UBE3C: variants seen among roughly 807,000 people sequenced by gnomAD.
UBE3C encodes the protein ubiquitin protein ligase E3C.
UBE3C carries 42 observed loss-of-function variants against 129.4 expected under a neutral mutation model. The ratio of observed to expected loss-of-function variants is 0.32; its 90% CI spans 0.25 to 0.42. UBE3C has a LOEUF of 0.42. Among genes scored for constraint, UBE3C ranks in the 10% least tolerant of loss-of-function variants. The probability of loss-of-function intolerance (pLI) is 1.00; values close to 1 mark genes in which losing one functional copy is unlikely to be tolerated. For missense variants in UBE3C, 1,049 were observed against 1,319.1 expected (o/e 0.80, Z 3.17); for synonymous variants, 510 against 492.4 (o/e 1.04, Z -0.47).
chr7:157,196,656 A>G (rs1809127784), intron 10 of UBE3C, among the ~76,000 whole-genome samples: 1 of 152,208 alleles, frequency 6.6e-6, no homozygotes, highest in African/African-American at 2.4e-5. Context: ...GTTGCTGTTT[A>G]TCATATCTTC....
chr7:157,164,576 A>G (rs1348242147), intron 2 of UBE3C: 1 of 386,090 alleles, frequency 2.6e-6, no homozygotes, highest in East Asian at 7.5e-5. Context: ...ATCCTACGTT[A>G]TATCTTGTGA....
chr7:157,220,564 T>G, intron 14 of UBE3C, 125 bp from the exon 15 acceptor site: 10 of 942,610 alleles, frequency 1.1e-5, no homozygotes, highest in African/African-American at 1.6e-5. Context: ...CATGAAGGTA[T>G]GAGGTCAGAG....
chr7:157,262,346 A>G (rs1796938043), intron 22 of UBE3C, among the ~76,000 whole-genome samples: 1 of 146,256 alleles, frequency 6.8e-6, no homozygotes, highest in Non-Finnish European at 1.5e-5. Context: ...AATGAAGTTT[A>G]CATTTAACAG....
At chr7:157,197,646 A>G (rs1043650059) in intron 10 of UBE3C, 1 of 1,609,050 alleles carries the variant, frequency 6.2e-7, no homozygotes, top group African/African-American at 1.3e-5. Flanking sequence ...ATCTGCTTCT[A>G]GCAGTGTCAG....
chr7:157,261,867 CT>C (rs1454533163), intron 22 of UBE3C, among the ~76,000 whole-genome samples: 1 of 152,222 alleles, frequency 6.6e-6, no homozygotes, highest in Non-Finnish European at 1.5e-5. Flanking sequence ...TTTTCTCACT[CT>C]GAATTAATGC....
At position 157,207,455 on chromosome 7, in the gene UBE3C, T is replaced by C. The variant is rs1445550564; in HGVS notation, c.1476T>C (p.Asp492=). Residue 492 remains aspartate, a synonymous_variant, in exon 12 of 23, where the codon GAT becomes GAC. Coordinates refer to ENST00000348165, the MANE Select transcript of UBE3C (RefSeq NM_014671.3). ...GGGGTTCTCCTATGTCTTTTGAAGA[T>C]TCTAGTCGAATCATCCCACTCTTTT... is the stretch of plus-strand genomic sequence containing the variant. ...ISRGSPMSFE[D]SSRIIPLFYL... 1 of 1,614,072 alleles carries C rather than the reference T, an allele frequency of 6.2e-7. No homozygotes were observed.
intron 14 of UBE3C, among the ~76,000 whole-genome samples, chr7:157,217,995 C>T (rs186838467): frequency 2.0e-5 from 3 of 152,140 alleles, no homozygotes; most frequent in African/African-American, 7.2e-5. Flanking sequence ...TGCACTGCAG[C>T]CTGGGTGACA....
chr7:157,206,684 G>A (rs1435755928), intron 11 of UBE3C, among the ~76,000 whole-genome samples: 1 of 152,082 alleles, frequency 6.6e-6, no homozygotes. Flanking sequence ...TGCCTCCTGG[G>A]CTCAAGCCAT....
intron 16 of UBE3C, 23 bp downstream of exon 16, chr7:157,223,374 T>C: frequency 6.3e-7 from 1 of 1,589,914 alleles, no homozygotes; most frequent in Non-Finnish European, 8.6e-7. Context: ...GCTTCTTTAT[T>C]GTCACTACGT....
intron 8 of UBE3C, 83 bp from the exon 9 acceptor site, chr7:157,183,795 T>C: frequency 6.7e-7 from 1 of 1,489,694 alleles, no homozygotes; most frequent in Non-Finnish European, 9.1e-7. Flanking sequence ...CCTCTCTGCG[T>C]GTGAGGAAAA....
chr7:157,265,296 C>T (rs954311841), intron 22 of UBE3C, among the ~76,000 whole-genome samples: 14 of 152,150 alleles, frequency 9.2e-5, no homozygotes, highest in East Asian at 1.9e-4. Flanking sequence ...AGACTGAGGG[C>T]GATCTGTGCC....
In UBE3C at chr7:157,139,238, G is replaced by T; in HGVS notation, c.-35G>T. On this transcript the variant is annotated 5_prime_UTR_variant, in exon 1 of 23. Transcript: ENST00000348165. ...GCCCCGCCCGCCCGGCTGCTTCCGC[G>T]GCGGCGCTGCCCGCACATGGGCTAG... is the stretch of plus-strand genomic sequence containing the variant. 6.9e-7 allele frequency: 1 copy of T among 1,449,174 alleles called. No individual in the cohort carries two copies. Among genetic ancestry groups the T allele is most frequent in the South Asian group, 1.4e-5 (1 of 72,976 alleles). 89.8% of individuals were successfully genotyped at this position (1,449,174 alleles called of 1,614,324 possible).
chr7:157,260,423 A>G (rs1796870392), intron 22 of UBE3C, among the ~76,000 whole-genome samples: 1 of 152,188 alleles, frequency 6.6e-6, no homozygotes, highest in Non-Finnish European at 1.5e-5. Flanking sequence ...AGTTTGAAGC[A>G]TGACCCATGT....
intron 17 of UBE3C, among the ~76,000 whole-genome samples, chr7:157,230,856 C>T (rs1247121969): frequency 2.6e-5 from 4 of 152,014 alleles, no homozygotes; most frequent in South Asian, 2.1e-4. Context: ...TTTGTGGGGG[C>T]GGAGGTTGCA....
intron 9 of UBE3C, among the ~76,000 whole-genome samples, chr7:157,185,791 T>C (rs6957939): frequency 0.48 from 72,211 of 151,988 alleles, 19,769 homozygotes; most frequent in African/African-American, 0.77. Flanking sequence ...CTCATTCTGA[T>C]GTACTTTTGT....
At chr7:157,229,313 TTTTG>T (rs759039817) in intron 17 of UBE3C, among the ~76,000 whole-genome samples, 11 of 152,066 alleles carry the variant, frequency 7.2e-5, no homozygotes, top group South Asian at 2.1e-4. Context: ...GGTTTTGGAT[TTTTG>T]TTTGTTTGTT....
chr7:157,197,475 C>A lies in UBE3C; in HGVS notation c.1332-4246C>A. 6 of 730,130 alleles carry A rather than the reference C, an allele frequency of 8.2e-6. No homozygotes were observed. The South Asian group carries it at 1.2e-4, about 14-fold the overall frequency. 45.2% of individuals were successfully genotyped at this position (730,130 alleles called of 1,614,324 possible). A position where few individuals can be genotyped will look rare whatever the true frequency, so the allele number is the denominator to read the frequency against. ...TTGGAAGACAGAATAACAATAAAAC[C>A]AAAATTTATCTGTAAAAATAATAAA... On this transcript the variant is annotated intron_variant, in intron 10 of 22. Transcript: ENST00000348165.
chr7:157,255,180 A>G (rs944276112), intron 21 of UBE3C, among the ~76,000 whole-genome samples: 2 of 152,216 alleles, frequency 1.3e-5, no homozygotes, highest in Admixed American at 6.5e-5. Flanking sequence ...GATGTTTAAC[A>G]TAGAAGATAG....
chr7:157,201,714 T>A lies in UBE3C; in HGVS notation c.1332-7T>A, dbSNP rs952503746. 1 of 1,579,338 alleles carries A rather than the reference T, an allele frequency of 6.3e-7. No homozygotes were observed. The highest frequency in any genetic ancestry group is 8.6e-7 in the Non-Finnish European group (1 of 1,161,470). On this transcript the variant is annotated splice_polypyrimidine_tract_variant and splice_region_variant and intron_variant, in intron 10 of 22. Transcript: ENST00000348165. ...CTGTTCTGTGTTTTTCTCCTATTCC[T>A]TTTTAGGCTTCTCTACAGTTTAGCC... is the stretch of plus-strand genomic sequence containing the variant.
Sources: gnomAD v4.1 joint callset for allele counts (sites outside exome capture counted in the v4.1 genomes callset) on GRCh38, gnomAD v4.1.1 for gene constraint, MANE v1.5 for transcripts, NCBI Gene and HGNC (gene_info 2026-07-23, HGNC 2026-07-21) for gene names.